NACC1: variants seen among roughly 807,000 people sequenced by gnomAD.
NACC1 encodes the protein nucleus accumbens associated 1, also known as nucleus accumbens-associated protein 1.
Under a neutral mutation model 41.7 loss-of-function variants are expected in NACC1, and 6 were observed. That is an observed-to-expected ratio of 0.14 (90% CI 0.08 to 0.28). The LOEUF is 0.28. NACC1 is among the 10% of genes least tolerant of loss of function. The pLI is 1.00. For missense variants in NACC1, 434 were observed against 763.7 expected, an observed-to-expected ratio of 0.57 and a Z score of 5.09; for synonymous variants, 338 against 330.6, an observed-to-expected ratio of 1.02 and a Z score of -0.24.
chr19:13,128,101 T>C (rs1399297510), intron 1 of NACC1, among the ~76,000 whole-genome samples: 11 of 151,868 alleles, frequency 7.2e-5, no homozygotes, highest in African/African-American at 2.7e-4. Flanking sequence ...CATTCACAGG[T>C]TTTGGGAAGG....
intron 1 of NACC1, among the ~76,000 whole-genome samples, chr19:13,130,092 T>A (rs1296245413): frequency 6.6e-6 from 1 of 152,066 alleles, no homozygotes; most frequent in Non-Finnish European, 1.5e-5. Context: ...TTTTTTTGTT[T>A]TAGAGACAGG....
At chr19:13,129,558 C>T (rs568004328) in intron 1 of NACC1, among the ~76,000 whole-genome samples, 11 of 152,286 alleles carry the variant, frequency 7.2e-5, no homozygotes, top group African/African-American at 2.6e-4. Flanking sequence ...GGGAACTAGA[C>T]GAACAGCATT....
Position 13,138,422 on chromosome 19 carries a change from G to A in NACC1, c.*16G>A, listed in dbSNP as rs757536262. 30 of 1,604,940 alleles carry A rather than the reference G, an allele frequency of 1.9e-5. No individual in the cohort carries two copies. In the East Asian group the frequency reaches 2.5e-4, roughly 13 times the overall value. ...CCTGCAGTAACCCGCCCAGCCTCCC[G>A]CGGGGCCACACACTTCCCCTCCCAA... is the stretch of plus-strand genomic sequence containing the variant. On this transcript the variant is annotated 3_prime_UTR_variant, in exon 6 of 6. Transcript: ENST00000292431. The surrounding 1 kb of genome is among the most constrained non-coding windows in gnomAD (Gnocchi z 5.7).
At chr19:13,121,216 A>AG (rs903403442) in intron 1 of NACC1, among the ~76,000 whole-genome samples, 2 of 152,032 alleles carry the variant, frequency 1.3e-5, no homozygotes, top group African/African-American at 4.8e-5. Flanking sequence ...GGGCGCAGGG[A>AG]GGGGTCAGTG....
intron 1 of NACC1, among the ~76,000 whole-genome samples, chr19:13,126,470 C>T (rs1357179456): frequency 2.0e-5 from 3 of 152,186 alleles, no homozygotes; most frequent in Admixed American, 1.3e-4. Context: ...CCTGGAAAGA[C>T]ATCAGGAAAG....
upstream of NACC1, chr19:13,117,698 C>G (rs1465281650): frequency 6.6e-6 from 1 of 151,866 alleles, no homozygotes; most frequent in Admixed American, 6.6e-5. Context: ...GGATTACAAG[C>G]GCATGCCATC....
rs753851982 is a variant in NACC1 at position 13,137,040 on chromosome 19, C to T, written c.1121-231C>T. Among the ~76,000 whole-genome samples the T allele has an allele frequency of 4.6e-5, 7 of 152,186 alleles. No individual in the cohort carries two copies. The highest frequency in any genetic ancestry group is 5.9e-5 in the Non-Finnish European group (4 of 68,022). On this transcript the variant is annotated intron_variant, in intron 3 of 5. Coordinates refer to ENST00000292431, the MANE Select transcript of NACC1 (RefSeq NM_052876.4). The surrounding 1 kb of genome is among the most constrained non-coding windows in gnomAD (Gnocchi z 6.1). The stretch of plus-strand genomic sequence containing the variant: ...AGCAGGCACCCCGAGGATGGTGAAG[C>T]AACCCTTTCTGTCCTTTCCTGAGCA...
chr19:13,118,847 G>A (rs2019448382), intron 1 of NACC1, among the ~76,000 whole-genome samples: 1 of 143,510 alleles, frequency 7.0e-6, no homozygotes, highest in Non-Finnish European at 1.5e-5. Context: ...GAGTGGGGGA[G>A]GAGAGGAGAG....
At position 13,136,439 on chromosome 19, in the gene NACC1, G is replaced by T; in HGVS notation, c.1120+34G>T. The T allele has an allele frequency of 6.3e-7, 1 of 1,582,544 alleles. No homozygotes were observed. Among genetic ancestry groups the T allele is most frequent in the East Asian group, 2.3e-5 (1 of 44,116 alleles). Reference sequence around the variant, plus strand: ...GTCTCGCCCCAGATCTCTCCCCTCCGCAGCTTTGGAGCCGGCTGGCCTGGG... The same window carrying T: ...GTCTCGCCCCAGATCTCTCCCCTCCTCAGCTTTGGAGCCGGCTGGCCTGGG... On this transcript the variant is annotated intron_variant, in intron 3 of 5. Coordinates refer to ENST00000292431, the MANE Select transcript of NACC1 (RefSeq NM_052876.4). This position sits in a 1 kb window ranked among gnomAD's most constrained non-coding sequence, Gnocchi z 5.5.
intron 1 of NACC1, among the ~76,000 whole-genome samples, chr19:13,129,923 A>C (rs1433661702): frequency 6.6e-6 from 1 of 151,676 alleles, no homozygotes; most frequent in Non-Finnish European, 1.5e-5. Flanking sequence ...CTTTAAAAAA[A>C]AAAAAATTAC....
At chr19:13,125,612 G>A (rs1248834830) in intron 1 of NACC1, among the ~76,000 whole-genome samples, 1 of 151,952 alleles carries the variant, frequency 6.6e-6, no homozygotes, top group Non-Finnish European at 1.5e-5. Flanking sequence ...TAGAGACGGG[G>A]TTTCACTGTG....
chr19:13,134,633 T>G (rs1164622836), intron 1 of NACC1, among the ~76,000 whole-genome samples: 1 of 152,202 alleles, frequency 6.6e-6, no homozygotes, highest in East Asian at 1.9e-4. Flanking sequence ...CCTCCCAAAG[T>G]GCTGAGATTA....
intron 1 of NACC1, among the ~76,000 whole-genome samples, chr19:13,120,577 C>T (rs1268072798): frequency 6.6e-6 from 1 of 152,180 alleles, no homozygotes; most frequent in Non-Finnish European, 1.5e-5. Flanking sequence ...GTCTGGCTAG[C>T]CACTTGGTTC....
At position 13,138,634 on chromosome 19, in the gene NACC1, C is replaced by T. The variant is rs2019741677; in HGVS notation, c.*228C>T. ...TCCGTGTTGCCTTCTTTAACACACACTCGTGCAGTGGGGGAGTTCTGGCTC... is the reference window on the plus strand; with the variant it reads ...TCCGTGTTGCCTTCTTTAACACACATTCGTGCAGTGGGGGAGTTCTGGCTC... On this transcript the variant is annotated 3_prime_UTR_variant, in exon 6 of 6. Coordinates refer to ENST00000292431, the MANE Select transcript of NACC1 (RefSeq NM_052876.4). This position sits in a 1 kb window ranked among gnomAD's most constrained non-coding sequence, Gnocchi z 5.7. The T allele has an allele frequency of 4.9e-6, 3 of 609,574 alleles. No homozygotes were observed. In the South Asian group the frequency reaches 5.9e-5, roughly 12 times the overall value. The allele number at this position is 609,574 out of a possible 1,614,324, so 37.8% of individuals were successfully genotyped here.
chr19:13,126,964 G>C (rs2019570246), intron 1 of NACC1, among the ~76,000 whole-genome samples: 1 of 152,092 alleles, frequency 6.6e-6, no homozygotes, highest in African/African-American at 2.4e-5. Context: ...GGCAGGGGTG[G>C]TGGCTCGCAC....
intron 1 of NACC1, among the ~76,000 whole-genome samples, chr19:13,120,544 C>T (rs2019476454): frequency 1.3e-5 from 2 of 152,236 alleles, no homozygotes; most frequent in African/African-American, 4.8e-5. Flanking sequence ...CACCCTCCAA[C>T]CTGGGCCCTG....
intron 1 of NACC1, among the ~76,000 whole-genome samples, chr19:13,122,127 C>T (rs1040456448): frequency 2.0e-5 from 3 of 152,158 alleles, no homozygotes; most frequent in African/African-American, 7.2e-5. Flanking sequence ...GCAGAGGTGA[C>T]GTGTCTTAGG....
intron 1 of NACC1, 128 bp downstream of exon 1, chr19:13,118,582 G>C (rs1001107726): frequency 1.3e-5 from 2 of 151,370 alleles, no homozygotes; most frequent in Non-Finnish European, 2.9e-5. Context: ...CACTGTGCCC[G>C]GGCAGGCGAG....
At chr19:13,127,668 C>T (rs954140746) in intron 1 of NACC1, among the ~76,000 whole-genome samples, 8 of 148,652 alleles carry the variant, frequency 5.4e-5, no homozygotes, top group South Asian at 4.3e-4. Context: ...GGCGACAGAG[C>T]GAGACTCTGC....
Sources: allele counts gnomAD v4.1 joint callset (sites outside exome capture counted in the v4.1 genomes callset), GRCh38; gene constraint gnomAD v4.1.1; non-coding constraint Gnocchi (gnomAD v3.1); transcripts MANE v1.5; gene names NCBI Gene and HGNC (gene_info 2026-07-23, HGNC 2026-07-21).